Variants in RIMS2 observed in about 807,000 individuals in gnomAD.
The protein encoded by RIMS2 is regulating synaptic membrane exocytosis protein 2.
RIMS2 carries 59 observed loss-of-function variants against 174.4 expected under a neutral mutation model. The observed-to-expected ratio is 0.34, with a 90% CI of 0.27 to 0.42. The LOEUF is 0.42. RIMS2 is among the 10% of genes least tolerant of loss of function. The pLI is 1.00. For missense variants in RIMS2, 1,620 were observed against 1,666.3 expected (o/e 0.97, Z 0.48); for synonymous variants, 606 against 572.5 (o/e 1.06, Z -0.84).
chr8:104,158,883 G>T (rs1350378964), intron 19 of RIMS2, among the ~76,000 whole-genome samples: 1 of 152,128 alleles, frequency 6.6e-6, no homozygotes, highest in Non-Finnish European at 1.5e-5. Context: ...TTGTTGTGCA[G>T]AAGCTCTTTA....
At chr8:103,834,332 C>CTTTTTTTTTTTTTTT (rs397892077) in intron 3 of RIMS2, among the ~76,000 whole-genome samples, 6 of 119,274 alleles carry the variant, frequency 5.0e-5, no homozygotes, top group Non-Finnish European at 6.8e-5. Flanking sequence ...TTTTCTTTTT[C>CTTTTTTTTTTTTTTT]TTTTTTTTTT....
intron 19 of RIMS2, among the ~76,000 whole-genome samples, chr8:104,229,977 A>G (rs2099215495): frequency 6.6e-6 from 1 of 152,180 alleles, no homozygotes; most frequent in African/African-American, 2.4e-5. Context: ...TTGAAGTACC[A>G]TTTTTTAAAA....
intron 19 of RIMS2, among the ~76,000 whole-genome samples, chr8:104,162,620 T>C (rs998184836): frequency 6.6e-6 from 1 of 152,122 alleles, no homozygotes; most frequent in Non-Finnish European, 1.5e-5. Context: ...GGGGGGGAGA[T>C]CTTTCTTTTC....
In RIMS2 at chr8:103,530,755, T is replaced by C. The variant is rs570532854; in HGVS notation, c.176+29693T>C. ...ATGCATAATAATATAGGCTAAAATATGTACAAGGCAAAATTTTACAGAACT... is the reference window on the plus strand; with the variant it reads ...ATGCATAATAATATAGGCTAAAATACGTACAAGGCAAAATTTTACAGAACT... On this transcript the variant is annotated intron_variant, in intron 1 of 23. Coordinates refer to ENST00000504942, the Ensembl canonical transcript of RIMS2. Among the ~76,000 whole-genome samples, 5 of 152,058 alleles carry C rather than the reference T, an allele frequency of 3.3e-5. No homozygotes were observed. In the Middle Eastern group the frequency reaches 0.014, roughly 414 times the overall value.
chr8:103,902,516 ACATAGTTT>A (rs2073369813), intron 4 of RIMS2, among the ~76,000 whole-genome samples: 2 of 152,276 alleles, frequency 1.3e-5, no homozygotes, highest in African/African-American at 4.8e-5. Flanking sequence ...ACTCCATGGA[ACATAGTTT>A]GCAAACCATT....
At chr8:103,988,651 G>A (rs942178319) in intron 16 of RIMS2, among the ~76,000 whole-genome samples, 1 of 151,964 alleles carries the variant, frequency 6.6e-6, no homozygotes, top group African/African-American at 2.4e-5. Flanking sequence ...GTAGAGACAG[G>A]GTTTCTCCAT....
At chr8:103,801,176 G>A (rs1181731185) in intron 3 of RIMS2, among the ~76,000 whole-genome samples, 46 of 151,940 alleles carry the variant, frequency 3.0e-4, no homozygotes, top group Non-Finnish European at 5.9e-5. Context: ...TAATAGAGAC[G>A]GGGTTTCACC....
intron 1 of RIMS2, among the ~76,000 whole-genome samples, chr8:103,504,937 G>A (rs1240777333): frequency 1.4e-5 from 2 of 142,668 alleles, no homozygotes; most frequent in East Asian, 2.2e-4. Flanking sequence ...CTGCAGCCAC[G>A]ACCTCCTGGG....
intron 1 of RIMS2, chr8:103,501,654 C>T (rs1331929016): frequency 3.3e-5 from 5 of 152,900 alleles, no homozygotes; most frequent in Non-Finnish European, 4.4e-5. Flanking sequence ...GGTGTGCGTC[C>T]GCCGCCATCT....
intron 2 of RIMS2, among the ~76,000 whole-genome samples, chr8:103,750,265 C>G (rs1005055495): frequency 1.1e-4 from 16 of 151,980 alleles, no homozygotes; most frequent in Non-Finnish European, 1.9e-4. Flanking sequence ...TTCCCCATTA[C>G]AAAATGTGGT....
chr8:103,876,203 C>T (rs59077803), intron 3 of RIMS2, among the ~76,000 whole-genome samples: 1 of 151,766 alleles, frequency 6.6e-6, no homozygotes, highest in Non-Finnish European at 1.5e-5. Flanking sequence ...AGAGTTTTTC[C>T]TAAGTTTTCT....
intron 19 of RIMS2, among the ~76,000 whole-genome samples, chr8:104,132,348 A>G (rs1200669981): frequency 2.6e-5 from 4 of 152,166 alleles, no homozygotes; most frequent in Non-Finnish European, 2.9e-5. Context: ...TTACAGTTGA[A>G]GAACTGAGGT....
At chr8:103,788,697 G>C (rs2098467150) in intron 3 of RIMS2, among the ~76,000 whole-genome samples, 1 of 152,044 alleles carries the variant, frequency 6.6e-6, no homozygotes, top group African/African-American at 2.4e-5. Flanking sequence ...GGACATTTAA[G>C]TCTGCAGAGG....
At chr8:103,799,900 A>G (rs938047903) in intron 3 of RIMS2, among the ~76,000 whole-genome samples, 1 of 152,194 alleles carries the variant, frequency 6.6e-6, no homozygotes, top group East Asian at 1.9e-4. Context: ...TCATGATTAA[A>G]AAGTCAGTCA....
chr8:104,213,762 T>A (rs562615584), intron 19 of RIMS2, among the ~76,000 whole-genome samples: 27 of 149,412 alleles, frequency 1.8e-4, no homozygotes, highest in Non-Finnish European at 2.8e-4. Context: ...CTGTAGTCCC[T>A]GCTACTCAGG....
At chr8:103,978,290 G>C (rs2093615985) in intron 16 of RIMS2, among the ~76,000 whole-genome samples, 1 of 120,246 alleles carries the variant, frequency 8.3e-6, no homozygotes, top group Non-Finnish European at 2.1e-5. Context: ...CATAACAGGG[G>C]CTCAAACATA....
In RIMS2 at chr8:103,967,170, G is replaced by GTTTTTTTTT. The variant is rs71575988; in HGVS notation, c.2770+6059_2770+6067dup. On this transcript the variant is annotated intron_variant, in intron 15 of 23. Coordinates refer to ENST00000504942, the Ensembl canonical transcript of RIMS2. ...TTTTCTGCCTGCTTGATCTGTTCTT[G>GTTTTTTTTT]TTTTTTTTTTTTTTTTTTTTTTTTT... is the stretch of plus-strand genomic sequence containing the variant. 4.4e-3 allele frequency among the ~76,000 whole-genome samples: 111 copies of GTTTTTTTTT among 24,970 alleles called. 27 individuals carry two copies. The highest frequency in any genetic ancestry group is 0.01 in the African/African-American group (49 of 4,740). The allele number at this position is 24,970 out of a possible 152,430, so 16.4% of individuals were successfully genotyped here. A position where few individuals can be genotyped will look rare whatever the true frequency, so the allele number is the denominator to read the frequency against.
intron 3 of RIMS2, among the ~76,000 whole-genome samples, chr8:103,842,327 ACT>A (rs1304503045): frequency 6.6e-6 from 1 of 152,080 alleles, no homozygotes; most frequent in African/African-American, 2.4e-5. Context: ...AATTAAAGAA[ACT>A]CTAAAGAAAC....
chr8:103,650,642 G>A (rs1157968071), intron 1 of RIMS2, among the ~76,000 whole-genome samples: 2 of 152,232 alleles, frequency 1.3e-5, no homozygotes, highest in African/African-American at 2.4e-5. Flanking sequence ...CTTGCCAAGT[G>A]AGGAGGAATG....
Sources: allele counts gnomAD v4.1 joint callset (sites outside exome capture counted in the v4.1 genomes callset), GRCh38; gene constraint gnomAD v4.1.1; transcripts MANE v1.5; gene names NCBI Gene and HGNC (gene_info 2026-07-23, HGNC 2026-07-21).